Variants in RORA observed in about 807,000 individuals in gnomAD.
RORA encodes RAR related orphan receptor A, also known as nuclear receptor ROR-alpha.
RORA carries 7 observed loss-of-function variants against 69.5 expected under a neutral mutation model. That is an observed-to-expected ratio of 0.10 (90% CI 0.06 to 0.19). The LOEUF is 0.19. Among genes scored for constraint, RORA ranks in the 10% least tolerant of loss-of-function variants. The pLI, the probability that RORA is intolerant of heterozygous loss-of-function variation, is 1.00. For synonymous variants in RORA, 261 were observed against 240.8 expected (o/e 1.08, Z -0.78); for missense variants, 457 against 663.0 (o/e 0.69, Z 3.41).
intron 1 of RORA, among the ~76,000 whole-genome samples, chr15:60,726,536 A>T (rs1415172079): frequency 6.6e-6 from 1 of 152,150 alleles, no homozygotes; most frequent in Non-Finnish European, 1.5e-5. Flanking sequence ...GGCCAGCAGG[A>T]CTCATTTCCC....
At chr15:61,010,439 G>A (rs951707449) in intron 1 of RORA, among the ~76,000 whole-genome samples, 3 of 152,126 alleles carry the variant, frequency 2.0e-5, no homozygotes, top group Admixed American at 6.5e-5. Flanking sequence ...GAAAATTAGT[G>A]ACCTTGGTCA....
At chr15:60,583,042 C>T (rs973241032) in intron 2 of RORA, among the ~76,000 whole-genome samples, 3 of 152,214 alleles carry the variant, frequency 2.0e-5, no homozygotes, top group African/African-American at 7.2e-5. Context: ...CTGCTGTCCC[C>T]TCGGCCGCCA....
chr15:60,923,321 T>TC (rs1488148971), intron 1 of RORA, among the ~76,000 whole-genome samples: 2 of 151,924 alleles, frequency 1.3e-5, no homozygotes, highest in Non-Finnish European at 2.9e-5. Flanking sequence ...AGATCATGAG[T>TC]CCCCCCACTC....
At chr15:61,021,005 T>C (rs1276580207) in intron 1 of RORA, among the ~76,000 whole-genome samples, 1 of 152,220 alleles carries the variant, frequency 6.6e-6, no homozygotes, top group Non-Finnish European at 1.5e-5. Flanking sequence ...GCAGATGGCT[T>C]TGTGCTTTGC....
At chr15:60,650,730 A>T (rs895566303) in intron 2 of RORA, 1 of 152,214 alleles carries the variant, frequency 6.6e-6, no homozygotes, top group Non-Finnish European at 1.5e-5. Flanking sequence ...GATTTAGTAC[A>T]TGGTTGAATT....
At chr15:61,225,451 G>A (rs1350167246) in intron 1 of RORA, among the ~76,000 whole-genome samples, 3 of 152,198 alleles carry the variant, frequency 2.0e-5, no homozygotes, top group Non-Finnish European at 4.4e-5. Flanking sequence ...AGTCAAAGAC[G>A]TATGTGGTTC....
chr15:60,546,707 C>T (rs971343268), intron 2 of RORA, among the ~76,000 whole-genome samples: 1 of 152,164 alleles, frequency 6.6e-6, no homozygotes, highest in Admixed American at 6.5e-5. Flanking sequence ...GTCCTCAACC[C>T]GAGTTTGCGT....
At chr15:60,685,569 A>C (rs143360437) in intron 1 of RORA, among the ~76,000 whole-genome samples, 417 of 152,356 alleles carry the variant, frequency 2.7e-3, no homozygotes, top group African/African-American at 9.7e-3. Context: ...ACACAGCCCG[A>C]GTAGGGCCTC....
intron 1 of RORA, among the ~76,000 whole-genome samples, chr15:61,049,752 C>T (rs1302407780): frequency 2.6e-5 from 4 of 152,124 alleles, no homozygotes; most frequent in Admixed American, 6.5e-5. Flanking sequence ...CTCCGCCTCC[C>T]GGGTTCAAGT....
intron 1 of RORA, among the ~76,000 whole-genome samples, chr15:60,876,410 A>T (rs1489385037): frequency 6.7e-6 from 1 of 149,764 alleles, no homozygotes; most frequent in African/African-American, 2.5e-5. Flanking sequence ...TCTGGGCCAT[A>T]TTGGGCTTAA....
intron 1 of RORA, among the ~76,000 whole-genome samples, chr15:60,903,564 C>T (rs1891449556): frequency 6.6e-6 from 1 of 152,198 alleles, no homozygotes; most frequent in South Asian, 2.1e-4. Flanking sequence ...CAAGGCTCTG[C>T]TTTATTTTGA....
intron 1 of RORA, among the ~76,000 whole-genome samples, chr15:61,167,661 T>C (rs566706476): frequency 1.4e-4 from 22 of 152,322 alleles, no homozygotes; most frequent in East Asian, 3.9e-4. Flanking sequence ...CCCACACTTA[T>C]GTTGAAAACC....
chr15:61,049,544 G>A (rs916297036), intron 1 of RORA, among the ~76,000 whole-genome samples: 23 of 152,202 alleles, frequency 1.5e-4, no homozygotes, highest in Non-Finnish European at 3.1e-4. Context: ...GGTAGCATGA[G>A]GAGTACCAGT....
At chr15:60,961,952 G>A (rs924976483) in intron 1 of RORA, among the ~76,000 whole-genome samples, 1 of 152,170 alleles carries the variant, frequency 6.6e-6, no homozygotes, top group Non-Finnish European at 1.5e-5. Context: ...AAAGGTGCTG[G>A]GGTTTGTATT....
intron 1 of RORA, among the ~76,000 whole-genome samples, chr15:61,119,795 T>C (rs2079085971): frequency 6.6e-6 from 1 of 152,210 alleles, no homozygotes. Context: ...GCATGCTTAG[T>C]GTGGCATCCC....
At chr15:60,870,214 T>A (rs1343940827) in intron 1 of RORA, among the ~76,000 whole-genome samples, 3 of 152,220 alleles carry the variant, frequency 2.0e-5, no homozygotes, top group African/African-American at 7.2e-5. Context: ...ACTGCTGGTA[T>A]GTACCAAGTA....
intron 2 of RORA, among the ~76,000 whole-genome samples, chr15:60,671,211 T>G (rs370543554): frequency 9.2e-5 from 14 of 151,842 alleles, no homozygotes; most frequent in East Asian, 5.8e-4. Flanking sequence ...AAGTTATAAA[T>G]GAATTACTAA....
At chr15:61,014,083 G>A (rs887262357) in intron 1 of RORA, among the ~76,000 whole-genome samples, 1 of 152,062 alleles carries the variant, frequency 6.6e-6, no homozygotes, top group South Asian at 2.1e-4. Flanking sequence ...GCACCCGGCC[G>A]GGTTGGCTTT....
At chr15:60,888,465 C>G (rs1225636618) in intron 1 of RORA, among the ~76,000 whole-genome samples, 2 of 151,126 alleles carry the variant, frequency 1.3e-5, no homozygotes, top group African/African-American at 4.8e-5. Flanking sequence ...TGCACATGCA[C>G]ACACACACAC....
Sources: allele counts gnomAD v4.1 joint callset (sites outside exome capture counted in the v4.1 genomes callset), GRCh38; gene constraint gnomAD v4.1.1; transcripts MANE v1.5; gene names NCBI Gene and HGNC (gene_info 2026-07-23, HGNC 2026-07-21).